Variants in POLQ observed in about 807,000 individuals in gnomAD.
POLQ encodes DNA polymerase theta.
Under a neutral mutation model 259.2 loss-of-function variants are expected in POLQ, and 233 were observed. That is an observed-to-expected ratio of 0.90 (90% CI 0.81 to 1.00). The LOEUF is 1.00. Among genes scored for constraint, POLQ ranks in the 50% least tolerant of loss-of-function variants. POLQ has a pLI of 0.00. For synonymous variants in POLQ, 1,025 were observed against 1,048.8 expected (o/e 0.98, Z 0.44); for missense variants, 2,871 against 3,051.6 (o/e 0.94, Z 1.39).
At chr3:121,529,529 G>A (rs1018000163) in intron 7 of POLQ, 116 bp downstream of exon 7, 4 of 936,542 alleles carry the variant, frequency 4.3e-6, no homozygotes, top group Non-Finnish European at 6.7e-6. Flanking sequence ...ATACCACCTA[G>A]TGGGCAGGCA....
intron 12 of POLQ, among the ~76,000 whole-genome samples, chr3:121,506,621 A>G (rs1285146555): frequency 6.6e-6 from 1 of 152,208 alleles, no homozygotes; most frequent in Non-Finnish European, 1.5e-5. Context: ...CTACTCTAAT[A>G]TATCTCTGGT....
In POLQ at chr3:121,450,041, C is replaced by T. The variant is rs77414448; in HGVS notation, c.7153-615G>A. ...AGAAAGTCTGGTTTAATCACAAGGA[C>T]GGCCGGGGTTCAAAGCCTAGATCTA... On this transcript the variant is annotated intron_variant, in intron 25 of 29. Coordinates refer to ENST00000264233, the MANE Select transcript of POLQ (RefSeq NM_199420.4). 1.8e-3 allele frequency among the ~76,000 whole-genome samples: 270 copies of T among 152,240 alleles called. 1 individual carries two copies. Among genetic ancestry groups the T allele is most frequent in the African/African-American group, 6.1e-3 (252 of 41,548 alleles).
At chr3:121,491,224 G>A (rs529924640) in intron 15 of POLQ, among the ~76,000 whole-genome samples, 1 of 151,682 alleles carries the variant, frequency 6.6e-6, no homozygotes, top group East Asian at 1.9e-4. Context: ...GTGGTGACAT[G>A]TGCCTGTAGT....
chr3:121,539,622 A>G, intron 3 of POLQ, 33 bp from the exon 4 acceptor site: 3 of 1,564,568 alleles, frequency 1.9e-6, no homozygotes, highest in Non-Finnish European at 2.6e-6. Context: ...ATACAGGTGA[A>G]AAAACTTGAA....
intron 14 of POLQ, chr3:121,495,051 C>A (rs1044775777): frequency 3.2e-5 from 16 of 494,302 alleles, no homozygotes; most frequent in African/African-American, 2.9e-4. Flanking sequence ...TCGAGCAGAT[C>A]ATCTGAGGTC....
rs200124794 is a variant in POLQ, at chr3:121,545,864, C to T, written c.14G>A (p.Arg5His). The T allele has an allele frequency of 1.9e-5, 31 of 1,613,974 alleles. No individual in the cohort carries two copies. Among genetic ancestry groups the T allele is most frequent in the Non-Finnish European group, 2.4e-5 (28 of 1,179,988 alleles). MNLL[R>H]RSGKRRRSES... ...TGAACGCCGCCGTTTCCCACTCCGA[C>T]GCAGAAGATTCATGGCAAACTCTTC... The change falls in exon 1 of 30, where the codon CGT (arginine) becomes CAT (histidine). Residue 5 changes from arginine to histidine, a missense_variant. Physicochemically the swap from Arg to His is conservative, Grantham distance 29. Around this residue, in one of 3 missense-constraint regions of POLQ, gnomAD observed 783 missense variants for 906.2 expected, o/e 0.86. Coordinates refer to ENST00000264233, the MANE Select transcript of POLQ (RefSeq NM_199420.4).
chr3:121,475,148 A>G (rs1033990971), intron 20 of POLQ, among the ~76,000 whole-genome samples: 4 of 152,100 alleles, frequency 2.6e-5, no homozygotes, highest in Non-Finnish European at 5.9e-5. Flanking sequence ...CCTTTGATAA[A>G]CAACTCCCCA....
At chr3:121,491,515 GTTAA>G (rs999073132) in intron 15 of POLQ, among the ~76,000 whole-genome samples, 2 of 152,202 alleles carry the variant, frequency 1.3e-5, no homozygotes, top group African/African-American at 4.8e-5. Context: ...ATGGCAGTGG[GTTAA>G]TTTTCACTTT....
At chr3:121,508,016 ATTTTTT>A (rs4048669) in intron 12 of POLQ, among the ~76,000 whole-genome samples, 1 of 129,648 alleles carries the variant, frequency 7.7e-6, no homozygotes, top group East Asian at 2.3e-4. Flanking sequence ...ACCATACACA[ATTTTTT>A]TTTTTTTTTT....
intron 22 of POLQ, among the ~76,000 whole-genome samples, chr3:121,469,753 G>A (rs779021993): frequency 1.3e-5 from 2 of 152,142 alleles, no homozygotes; most frequent in Non-Finnish European, 2.9e-5. Context: ...TACAAAGAAT[G>A]AATATATAGC....
At chr3:121,542,734 T>A (rs1000180306) in intron 2 of POLQ, among the ~76,000 whole-genome samples, 1 of 152,134 alleles carries the variant, frequency 6.6e-6, no homozygotes, top group Admixed American at 6.5e-5. Context: ...TTTGGGAGAA[T>A]CACTTGAGCC....
At chr3:121,495,281 AAAGT>A (rs1192313798) in intron 14 of POLQ, among the ~76,000 whole-genome samples, 6 of 152,136 alleles carry the variant, frequency 3.9e-5, no homozygotes, top group Non-Finnish European at 8.8e-5. Context: ...CAAAAAAAAA[AAAGT>A]AAGGGACTCT....
chr3:121,461,094 T>C (rs1411316272), intron 24 of POLQ, among the ~76,000 whole-genome samples: 2 of 152,198 alleles, frequency 1.3e-5, no homozygotes, highest in Admixed American at 6.5e-5. Context: ...AAACAATTTT[T>C]CTTCACCTGT....
intron 12 of POLQ, among the ~76,000 whole-genome samples, chr3:121,504,243 A>T (rs1389973867): frequency 6.6e-6 from 1 of 152,232 alleles, no homozygotes; most frequent in African/African-American, 2.4e-5. Flanking sequence ...CATAAATAAA[A>T]AGGATTATAA....
At chr3:121,444,137 C>G (rs2047614642) in intron 26 of POLQ, among the ~76,000 whole-genome samples, 1 of 151,122 alleles carries the variant, frequency 6.6e-6, no homozygotes, top group African/African-American at 2.4e-5. Flanking sequence ...TAAAGAATGT[C>G]ATTGGTATTT....
chr3:121,517,568 G>C (rs2048307221), intron 9 of POLQ, among the ~76,000 whole-genome samples: 1 of 152,132 alleles, frequency 6.6e-6, no homozygotes, highest in Non-Finnish European at 1.5e-5. Flanking sequence ...CTCTCTTATA[G>C]TTGGGGAATG....
intron 27 of POLQ, among the ~76,000 whole-genome samples, chr3:121,438,524 G>T (rs1303258488): frequency 1.3e-5 from 2 of 152,112 alleles, no homozygotes; most frequent in South Asian, 4.1e-4. Flanking sequence ...CTATCCAGGA[G>T]AAAATTATAT....
chr3:121,483,601 A>AGG lies in POLQ; in HGVS notation c.5774-20_5774-19insCC. The AGG allele has an allele frequency of 2.0e-6, 3 of 1,521,136 alleles. No homozygotes were observed. Among genetic ancestry groups the AGG allele is most frequent in the Non-Finnish European group, 1.8e-6 (2 of 1,138,692 alleles). The allele number at this position is 1,521,136 out of a possible 1,614,324, so 94.2% of individuals were successfully genotyped here. A position where few individuals can be genotyped will look rare whatever the true frequency, so the allele number is the denominator to read the frequency against. ...CTAATTTCTTTAAAAAAAAAAAAAA[A>AGG]AAGGAAAAAACATTTTTAAGGCAAA... On this transcript the variant is annotated intron_variant, in intron 17 of 29. Transcript: ENST00000264233.
intron 20 of POLQ, among the ~76,000 whole-genome samples, chr3:121,475,060 CGTTACTATTGACT>C (rs2047915275): frequency 6.6e-6 from 1 of 152,064 alleles, no homozygotes; most frequent in African/African-American, 2.4e-5. Context: ...ATATATAATA[CGTTACTATTGACT>C]GTAGTCACCC....
Sources: gnomAD v4.1 joint callset for allele counts (sites outside exome capture counted in the v4.1 genomes callset) on GRCh38, gnomAD v4.1.1 for gene constraint, gnomAD v4.1.1 regional missense constraint, MANE v1.5 for transcripts, NCBI Gene and HGNC (gene_info 2026-07-23, HGNC 2026-07-21) for gene names.